CALML6: variants seen among roughly 807,000 people sequenced by gnomAD.
The protein encoded by CALML6 is calmodulin like 6.
In CALML6, 27 loss-of-function variants were observed where a neutral mutation model predicts 25.0. The observed-to-expected ratio is 1.08, with a 90% confidence interval of 0.80 to 1.49. The LOEUF is 1.49. Ranked by LOEUF, CALML6 falls within the 40% of genes most tolerant of loss-of-function variation. The pLI, the probability that CALML6 is intolerant of heterozygous loss-of-function variation, is 0.00. For missense variants in CALML6, 239 were observed against 232.7 expected (o/e 1.03, Z -0.18); for synonymous variants, 97 against 87.2 (o/e 1.11, Z -0.63).
Position 1,916,758 on chromosome 1 carries a change from G to C in CALML6, c.260G>C (p.Gly87Ala), listed in dbSNP as rs74773083. The C allele has an allele frequency of 2.3e-3, 3,722 of 1,613,550 alleles. 83 individuals carry two copies. The African/African-American group carries it at 0.043, about 19-fold the overall frequency. ...MAKDVDRDNK[G>A]FFNCDGFLAL... The stretch of plus-strand genomic sequence containing the variant: ...CCAGCTGTGCCCCTTGCAGACAAAG[G>C]GTTCTTCAACTGCGATGGTTTCCTG... Residue 87 changes from glycine (G) to alanine (A), a missense_variant, in exon 4 of 6, where the codon GGG (glycine) becomes GCG (alanine). By Grantham distance (60) the Gly-to-Ala change is moderately conservative (BLOSUM62 0). Around this residue, in one of 2 missense-constraint regions of CALML6, gnomAD observed 231 missense variants for 210.9 expected, o/e 1.10. Transcript: ENST00000307786.
At chr1:1,915,427 G>T in intron 1 of CALML6, 120 bp downstream of exon 1, 1 of 1,497,100 alleles carries the variant, frequency 6.7e-7, no homozygotes, top group Non-Finnish European at 9.0e-7. Flanking sequence ...AACAGCGTGT[G>T]TGAGGGTCCC....
chr1:1,915,681 A>G lies in CALML6; in HGVS notation c.28-4A>G, dbSNP rs748878595. 1.5e-5 allele frequency: 24 copies of G among 1,613,194 alleles called. No homozygotes were observed. Among genetic ancestry groups the G allele is most frequent in the Non-Finnish European group, 2.0e-5 (24 of 1,179,928 alleles). Reference sequence around the variant, plus strand: ...CCACCACTGCCCCAGCACTCTGCCCACAGCAGCCCTGGTGTCACCACCCTG... The same window carrying G: ...CCACCACTGCCCCAGCACTCTGCCCGCAGCAGCCCTGGTGTCACCACCCTG... On this transcript the variant is annotated splice_region_variant and splice_polypyrimidine_tract_variant and intron_variant, in intron 1 of 5. Coordinates refer to ENST00000307786, the MANE Select transcript of CALML6 (RefSeq NM_138705.4).
rs938793486 is a variant in CALML6 at position 1,916,861 on chromosome 1, A to G, written c.363A>G (p.Lys121=). 7 of 1,550,904 alleles carry G rather than the reference A, an allele frequency of 4.5e-6. No individual in the cohort carries two copies. The highest frequency in any genetic ancestry group is 6.1e-6 in the Non-Finnish European group (7 of 1,148,326). Residue 121 remains lysine (K), a synonymous_variant, in exon 4 of 6, where the codon AAA becomes AAG. Transcript: ENST00000307786. The part of the protein sequence containing the change: ...ELRAAFRVFD[K]EGKGYIDWNT... Reference sequence around the variant, plus strand: ...GGGCGGCATTCCGTGTCTTTGACAAAGAGGGCAAGGGCTACATTGACTGGA... The same window carrying G: ...GGGCGGCATTCCGTGTCTTTGACAAGGAGGGCAAGGGCTACATTGACTGGA...
At chr1:1,916,061 CT>C in intron 2 of CALML6, 1 of 456,672 alleles carries the variant, frequency 2.2e-6, no homozygotes. Flanking sequence ...GGCTGGAAGC[CT>C]TTCCCGGGCC....
At chr1:1,916,934 G>A (rs749599512) in intron 4 of CALML6, 38 bp downstream of exon 4, 14 of 1,611,086 alleles carry the variant, frequency 8.7e-6, no homozygotes, top group African/African-American at 1.3e-5. Context: ...GGGCGGGCAC[G>A]GGCAGGGCCG....
intron 1 of CALML6, 141 bp downstream of exon 1, chr1:1,915,448 A>C: frequency 6.9e-7 from 1 of 1,458,096 alleles, no homozygotes; most frequent in Non-Finnish European, 9.2e-7. Flanking sequence ...GCCATGTCTC[A>C]GCCCTTTCCT....
At chr1:1,915,827 C>G in intron 2 of CALML6, 92 bp downstream of exon 2, 4 of 1,307,680 alleles carry the variant, frequency 3.1e-6, no homozygotes, top group Non-Finnish European at 4.4e-6. Context: ...TGCCACGGAG[C>G]CTGGGCAGGA....
In CALML6 at chr1:1,916,498, G is replaced by A. The variant is rs375831826; in HGVS notation, c.136G>A (p.Asp46Asn). ...KEYKGVFEMF[D>N]EEGNGEVKTG... ...GTACAAGGGAGTCTTTGAGATGTTCGACGAAGAGGGCAACGGGGAGGTGAA... is the reference window on the plus strand; with the variant it reads ...GTACAAGGGAGTCTTTGAGATGTTCAACGAAGAGGGCAACGGGGAGGTGAA... Residue 46 changes from aspartate to asparagine, a missense_variant, in exon 3 of 6, where the codon GAC becomes AAC. This residue lies in a region of CALML6 where 231 missense variants were observed against 210.9 expected (regional missense o/e 1.10). Coordinates refer to ENST00000307786, the MANE Select transcript of CALML6 (RefSeq NM_138705.4). 5.7e-6 allele frequency: 9 copies of A among 1,590,384 alleles called. No homozygotes were observed. Among genetic ancestry groups the A allele is most frequent in the Middle Eastern group, 1.7e-4 (1 of 6,042 alleles).
In CALML6 at chr1:1,917,215, G is replaced by A. The variant is rs1331212796; in HGVS notation, c.*22G>A. On this transcript the variant is annotated 3_prime_UTR_variant, in exon 6 of 6. Coordinates refer to ENST00000307786, the MANE Select transcript of CALML6 (RefSeq NM_138705.4). ...GTAGGTGCAGCTGCCGCAGCCGGGG[G>A]AGGCCTGCCCGGGAAGGCTGCTGCC... 1 of 1,580,598 alleles carries A rather than the reference G, an allele frequency of 6.3e-7. No homozygotes were observed.
rs1367472893 is a variant in CALML6 at position 1,917,038 on chromosome 1, G to A, written c.463G>A (p.Ala155Thr). 1 of 1,610,072 alleles carries A rather than the reference G, an allele frequency of 6.2e-7. No individual in the cohort carries two copies. The highest frequency in any genetic ancestry group is 1.7e-5 in the Admixed American group (1 of 59,850). Reference protein sequence around the residue: ...EVEAEQMMKEADKDGDRTIDY... With the variant: ...EVEAEQMMKETDKDGDRTIDY... Reference sequence around the variant, plus strand: ...GGAGGCGGAGCAGATGATGAAGGAGGCCGACAAGGATGGGGACAGGACCAT... The same window carrying A: ...GGAGGCGGAGCAGATGATGAAGGAGACCGACAAGGATGGGGACAGGACCAT... Residue 155 changes from alanine to threonine, a missense_variant, in exon 5 of 6, where the codon GCC becomes ACC. Around this residue, in one of 2 missense-constraint regions of CALML6, gnomAD observed 231 missense variants for 210.9 expected, o/e 1.10. Transcript: ENST00000307786.
At position 1,916,471 on chromosome 1, in the gene CALML6, G is replaced by A. The variant is rs764608231; in HGVS notation, c.109G>A (p.Glu37Lys). 4.5e-6 allele frequency: 7 copies of A among 1,558,398 alleles called. No individual in the cohort carries two copies. The highest frequency in any genetic ancestry group is 6.1e-6 in the Non-Finnish European group (7 of 1,151,586). ...GCGCCTGTCGGCTGAGCAGATCAAGGAGTACAAGGGAGTCTTTGAGATGTT... is the reference window on the plus strand; with the variant it reads ...GCGCCTGTCGGCTGAGCAGATCAAGAAGTACAAGGGAGTCTTTGAGATGTT... ...TERLSAEQIK[E>K]YKGVFEMFDE... The change falls in exon 3 of 6, where the codon GAG becomes AAG. Residue 37 changes from glutamate to lysine, a missense_variant. Glu to Lys is a moderately conservative substitution (Grantham distance 56). Transcript: ENST00000307786.
intron 2 of CALML6, 85 bp downstream of exon 2, chr1:1,915,820 C>G: frequency 7.3e-7 from 1 of 1,362,326 alleles, no homozygotes; most frequent in Non-Finnish European, 1.0e-6. Flanking sequence ...AATGACCTGC[C>G]ACGGAGCCTG....
At position 1,916,799 on chromosome 1, in the gene CALML6, T is replaced by C; in HGVS notation, c.301T>C (p.Tyr101His). The C allele has an allele frequency of 6.2e-7, 1 of 1,613,466 alleles. No individual in the cohort carries two copies. Among genetic ancestry groups the C allele is most frequent in the East Asian group, 2.2e-5 (1 of 44,868 alleles). ...TGGTTTCCTGGCACTAATGGGAGTT[T>C]ACCATGAGAAGGCCCAGAACCAGGA... The part of the protein sequence containing the change: ...CDGFLALMGV[Y>H]HEKAQNQESE... Residue 101 changes from tyrosine (Y) to histidine (H), a missense_variant, in exon 4 of 6, where the codon TAC (tyrosine) becomes CAC (histidine). Transcript: ENST00000307786.
Position 1,917,092 on chromosome 1 carries a change from C to G in CALML6, c.499+18C>G. The G allele has an allele frequency of 6.2e-7, 1 of 1,609,556 alleles. No homozygotes were observed. ...CTATGAGGGTGAGTGGCCTGGAGCC[C>G]TGGGAGCCGTTGGCTGGGCCGGGGC... On this transcript the variant is annotated intron_variant, in intron 5 of 5. Transcript: ENST00000307786.
rs2102018678 is a variant in CALML6, at chr1:1,916,564, A to G, written c.202A>G (p.Asn68Asp). The G allele has an allele frequency of 1.9e-6, 3 of 1,612,276 alleles. No homozygotes were observed. Among genetic ancestry groups the G allele is most frequent in the Non-Finnish European group, 2.5e-6 (3 of 1,179,456 alleles). The part of the protein sequence containing the change: ...LEWLMSLLGI[N>D]PTKSELASMA... ...GTGGCTCATGAGCCTGCTGGGTATC[A>G]ACCCCACCAAGAGTGAGCTGGCCTC... Residue 68 changes from asparagine (N) to aspartate (D), a missense_variant, in exon 3 of 6, where the codon AAC (asparagine) becomes GAC (aspartate). By Grantham distance (23) the Asn-to-Asp change is conservative. This residue lies in a region of CALML6 where 231 missense variants were observed against 210.9 expected (regional missense o/e 1.10). Coordinates refer to ENST00000307786, the MANE Select transcript of CALML6 (RefSeq NM_138705.4).
chr1:1,915,795 G>A, intron 2 of CALML6, 60 bp downstream of exon 2: 2 of 1,542,004 alleles, frequency 1.3e-6, no homozygotes, highest in Non-Finnish European at 8.9e-7. Flanking sequence ...AGGTTGAGCT[G>A]GAACCTGGAG....
rs150356689 is a variant in CALML6 at position 1,916,555 on chromosome 1, C to A, written c.193C>A (p.Leu65Met). ...TGELEWLMSLLGINPTKSELA... is the reference protein window; with the variant it reads ...TGELEWLMSLMGINPTKSELA... ...GGAGCTGGAGTGGCTCATGAGCCTGCTGGGTATCAACCCCACCAAGAGTGA... is the reference window on the plus strand; with the variant it reads ...GGAGCTGGAGTGGCTCATGAGCCTGATGGGTATCAACCCCACCAAGAGTGA... Residue 65 changes from leucine to methionine, a missense_variant, in exon 3 of 6, where the codon CTG becomes ATG. Physicochemically the swap from Leu to Met is conservative, Grantham distance 15. Around this residue, in one of 2 missense-constraint regions of CALML6, gnomAD observed 231 missense variants for 210.9 expected, o/e 1.10. Transcript: ENST00000307786. 2.0e-5 allele frequency: 33 copies of A among 1,612,338 alleles called. No homozygotes were observed. Among genetic ancestry groups the A allele is most frequent in the Non-Finnish European group, 2.8e-5 (33 of 1,179,574 alleles).
chr1:1,917,006 A>G lies in CALML6; in HGVS notation c.431A>G (p.Asn144Ser). 6.2e-7 allele frequency: 1 copy of G among 1,610,098 alleles called. No homozygotes were observed. Among genetic ancestry groups the G allele is most frequent in the Non-Finnish European group, 8.5e-7 (1 of 1,177,630 alleles). Residue 144 changes from asparagine to serine, a missense_variant, in exon 5 of 6, where the codon AAC (asparagine) becomes AGC (serine). Physicochemically the swap from Asn to Ser is conservative, Grantham distance 46 (BLOSUM62 1). Around this residue, in one of 2 missense-constraint regions of CALML6, gnomAD observed 231 missense variants for 210.9 expected, o/e 1.10. Coordinates refer to ENST00000307786, the MANE Select transcript of CALML6 (RefSeq NM_138705.4). ...CTAATGAACGCAGGGGAGCCCCTCAACGAGGTGGAGGCGGAGCAGATGATG... is the reference window on the plus strand; with the variant it reads ...CTAATGAACGCAGGGGAGCCCCTCAGCGAGGTGGAGGCGGAGCAGATGATG... ...YVLMNAGEPL[N>S]EVEAEQMMKE...
chr1:1,916,642 G>C (rs1408706165), intron 3 of CALML6, 27 bp downstream of exon 3: 1 of 1,600,928 alleles, frequency 6.2e-7, no homozygotes, highest in African/African-American at 1.3e-5. Context: ...AGTGGGGTGG[G>C]CAGCCTCGGG....
Sources: allele counts gnomAD v4.1 joint callset, GRCh38; gene constraint gnomAD v4.1.1; regional missense constraint gnomAD v4.1.1; transcripts MANE v1.5; gene names NCBI Gene and HGNC (gene_info 2026-07-23, HGNC 2026-07-21).